Variants in POLR3B observed in about 807,000 individuals in gnomAD.
POLR3B encodes DNA-directed RNA polymerase III subunit RPC2.
A neutral mutation model predicts 147.4 loss-of-function variants in POLR3B; 96 were observed. That is an observed-to-expected ratio of 0.65 (90% CI 0.55 to 0.77). The LOEUF (loss-of-function observed/expected upper bound fraction) is 0.77, where lower values mean the gene tolerates loss of function less well. POLR3B is among the 30% of genes least tolerant of loss of function. The probability of loss-of-function intolerance (pLI) is 0.00; values close to 1 mark genes in which losing one functional copy is unlikely to be tolerated. For missense variants in POLR3B, 1,036 were observed against 1,413.5 expected, an observed-to-expected ratio of 0.73 and a Z score of 4.28; for synonymous variants, 461 against 485.9, an observed-to-expected ratio of 0.95 and a Z score of 0.67.
At chr12:106,463,417 G>A (rs1455962469) in intron 22 of POLR3B, 61 bp from the exon 23 acceptor site, 2 of 1,446,194 alleles carry the variant, frequency 1.4e-6, no homozygotes, top group South Asian at 1.1e-5. Context: ...TATAACATGG[G>A]TGAGAAGTTC....
intron 9 of POLR3B, among the ~76,000 whole-genome samples, chr12:106,383,205 G>A (rs2036788740): frequency 6.6e-6 from 1 of 152,132 alleles, no homozygotes; most frequent in Non-Finnish European, 1.5e-5. Context: ...TTGACTTAAG[G>A]GAATGTTGTT....
chr12:106,365,152 T>C lies in POLR3B; in HGVS notation c.105+1250T>C, dbSNP rs140457690. 7.9e-4 allele frequency among the ~76,000 whole-genome samples: 120 copies of C among 151,704 alleles called. 2 individuals are homozygous for C. The highest frequency in any genetic ancestry group is 7.1e-3 in the Admixed American group (109 of 15,258). On this transcript the variant is annotated intron_variant, in intron 2 of 27. Coordinates refer to ENST00000228347, the MANE Select transcript of POLR3B (RefSeq NM_018082.6). ...TCCGTCTCAAAAAAAGAAAAATGAG[T>C]AGAGTTTTGTCTCTACTCATTTTGG...
intron 6 of POLR3B, among the ~76,000 whole-genome samples, chr12:106,371,683 G>A (rs7299017): frequency 0.097 from 11,508 of 118,144 alleles, 1,086 homozygotes; most frequent in East Asian, 0.47. Flanking sequence ...GTAAACTATC[G>A]CAAGAACAAA....
At chr12:106,413,889 T>C (rs1475802988) in intron 12 of POLR3B, among the ~76,000 whole-genome samples, 1 of 152,116 alleles carries the variant, frequency 6.6e-6, no homozygotes, top group Non-Finnish European at 1.5e-5. Context: ...TTTTGTTGTT[T>C]ACTTTTATAG....
chr12:106,509,274 T>C (rs1297187131), intron 27 of POLR3B, 146 bp from the exon 28 acceptor site: 13 of 831,434 alleles, frequency 1.6e-5, no homozygotes, highest in Non-Finnish European at 2.6e-5. Flanking sequence ...TACGTACTTA[T>C]ATGATAGTGC....
At chr12:106,366,046 C>A (rs1315211864) in intron 2 of POLR3B, among the ~76,000 whole-genome samples, 1 of 152,094 alleles carries the variant, frequency 6.6e-6, no homozygotes, top group South Asian at 2.1e-4. Context: ...AGAATACTTG[C>A]TGAAGGACCT....
chr12:106,358,041 C>G, intron 1 of POLR3B, 90 bp downstream of exon 1: 1 of 1,567,994 alleles, frequency 6.4e-7, no homozygotes, highest in Non-Finnish European at 8.6e-7. Flanking sequence ...AGGGGGCGGG[C>G]TGGCGGTTTG....
chr12:106,448,516 G>T (rs1322526247), intron 19 of POLR3B, among the ~76,000 whole-genome samples: 3 of 129,310 alleles, frequency 2.3e-5, no homozygotes, highest in African/African-American at 8.9e-5. Flanking sequence ...AACTCACTGT[G>T]ACCTCCACTT....
chr12:106,403,799 G>A (rs1457676009), intron 10 of POLR3B, among the ~76,000 whole-genome samples: 6 of 127,074 alleles, frequency 4.7e-5, no homozygotes, highest in African/African-American at 8.8e-5. Context: ...ATCACACACC[G>A]GGGACTGTTG....
rs781001415 is a variant in POLR3B at position 106,405,840 on chromosome 12, T to A, written c.847-17T>A. On this transcript the variant is annotated splice_polypyrimidine_tract_variant and intron_variant, in intron 10 of 27. Transcript: ENST00000228347. The stretch of plus-strand genomic sequence containing the variant: ...CAGTGATGTCATTCAAACATTATTG[T>A]AATCTGTTTTTTATAGGCATTAAAA... The A allele has an allele frequency of 3.1e-6, 5 of 1,610,938 alleles. No homozygotes were observed. The Admixed American group carries it at 8.3e-5, about 27-fold the overall frequency.
chr12:106,465,815 G>A (rs1211732384), intron 23 of POLR3B, among the ~76,000 whole-genome samples: 1 of 152,168 alleles, frequency 6.6e-6, no homozygotes, highest in Admixed American at 6.5e-5. Flanking sequence ...TGGCTGCATA[G>A]TATTCCATAC....
rs1444359954 is a variant in POLR3B, at chr12:106,367,330, T to C, written c.227+608T>C. Among the ~76,000 whole-genome samples, 6 of 152,252 alleles carry C rather than the reference T, an allele frequency of 3.9e-5. No individual in the cohort carries two copies. The East Asian group carries it at 1.2e-3, about 29-fold the overall frequency. ...ATTTTTCACCAAGCCTTCACTGATA[T>C]TAACATCTTACATAACCATAGCACA... is the stretch of plus-strand genomic sequence containing the variant. On this transcript the variant is annotated intron_variant, in intron 4 of 27. Coordinates refer to ENST00000228347, the MANE Select transcript of POLR3B (RefSeq NM_018082.6).
intron 23 of POLR3B, among the ~76,000 whole-genome samples, chr12:106,469,240 T>C (rs1040767793): frequency 5.3e-5 from 8 of 152,046 alleles, no homozygotes; most frequent in Non-Finnish European, 1.2e-4. Context: ...TAAAGTCTGC[T>C]TTATCAGAGA....
At chr12:106,386,786 A>G (rs1216809799) in intron 9 of POLR3B, among the ~76,000 whole-genome samples, 1 of 152,068 alleles carries the variant, frequency 6.6e-6, no homozygotes, top group Non-Finnish European at 1.5e-5. Flanking sequence ...AGGTGCCTGT[A>G]GTCCCAGCTA....
intron 9 of POLR3B, among the ~76,000 whole-genome samples, chr12:106,384,516 C>A (rs1361713250): frequency 6.6e-6 from 1 of 152,184 alleles, no homozygotes; most frequent in Non-Finnish European, 1.5e-5. Context: ...TCACCCAGCG[C>A]ACATATTCCC....
chr12:106,454,462 A>G (rs372593042), intron 19 of POLR3B, 40 bp from the exon 20 acceptor site: 20 of 935,318 alleles, frequency 2.1e-5, no homozygotes, highest in Non-Finnish European at 3.6e-5. Context: ...TATTTCACAT[A>G]ATAGAATGTT....
At chr12:106,482,385 C>T (rs776165705) in intron 23 of POLR3B, among the ~76,000 whole-genome samples, 6 of 152,168 alleles carry the variant, frequency 3.9e-5, no homozygotes, top group Admixed American at 3.9e-4. Flanking sequence ...AGAGGTTTAA[C>T]TGGCTCACAA....
At chr12:106,436,059 G>A (rs1316521761) in intron 16 of POLR3B, among the ~76,000 whole-genome samples, 1 of 152,090 alleles carries the variant, frequency 6.6e-6, no homozygotes, top group East Asian at 1.9e-4. Context: ...TACCAAGAAG[G>A]AGCCAGAATT....
intron 10 of POLR3B, among the ~76,000 whole-genome samples, chr12:106,394,440 G>A (rs1402429982): frequency 6.6e-6 from 1 of 152,138 alleles, no homozygotes; most frequent in African/African-American, 2.4e-5. Context: ...GAAATATCAA[G>A]GAGGCAGAAA....
Sources: gnomAD v4.1 joint callset for allele counts (sites outside exome capture counted in the v4.1 genomes callset) on GRCh38, gnomAD v4.1.1 for gene constraint, MANE v1.5 for transcripts, NCBI Gene and HGNC (gene_info 2026-07-23, HGNC 2026-07-21) for gene names.